The following ALCAM variants were observed in gnomAD, a reference collection of about 807,000 sequenced individuals.
ALCAM encodes activated leukocyte cell adhesion molecule.
In ALCAM, 30 loss-of-function variants were observed where a neutral mutation model predicts 70.9. That is an observed-to-expected ratio of 0.42 (90% CI 0.32 to 0.57). ALCAM has a LOEUF of 0.57. Among genes scored for constraint, ALCAM ranks in the 20% least tolerant of loss-of-function variants. The probability of loss-of-function intolerance (pLI) is 0.11; values close to 1 mark genes in which losing one functional copy is unlikely to be tolerated. For synonymous variants in ALCAM, 249 were observed against 242.5 expected, an observed-to-expected ratio of 1.03 and a Z score of -0.25; for missense variants, 591 against 695.1, an observed-to-expected ratio of 0.85 and a Z score of 1.68.
chr3:105,477,283 G>T (rs1187224771), intron 1 of ALCAM, among the ~76,000 whole-genome samples: 1 of 151,840 alleles, frequency 6.6e-6, no homozygotes, highest in East Asian at 1.9e-4. Context: ...AGCTCATTTG[G>T]TATTAATTCC....
chr3:105,572,259 T>C (rs1204643498), intron 15 of ALCAM, among the ~76,000 whole-genome samples: 1 of 149,486 alleles, frequency 6.7e-6, no homozygotes, highest in Non-Finnish European at 1.5e-5. Flanking sequence ...ACAGGCCCCA[T>C]TGTGTGGTGG....
intron 14 of ALCAM, among the ~76,000 whole-genome samples, chr3:105,562,668 G>C (rs1940650822): frequency 6.6e-6 from 1 of 151,884 alleles, no homozygotes; most frequent in Admixed American, 6.6e-5. Context: ...TCAATAAAAG[G>C]GCCCCATCCT....
At position 105,367,201 on chromosome 3, in the gene ALCAM, G is replaced by C. The variant is rs562762257; in HGVS notation, c.-208G>C. 1.0e-4 allele frequency: 57 copies of C among 572,428 alleles called. No homozygotes were observed. The highest frequency in any genetic ancestry group is 9.5e-4 in the African/African-American group (50 of 52,864). The allele number at this position is 572,428 out of a possible 1,614,324, so 35.5% of individuals were successfully genotyped here. ...CCGTGGGCTGGTGTTGACCGGGAGG[G>C]AGGAGGAGTTGGGGGCATTGCGTGG... On this transcript the variant is annotated 5_prime_UTR_variant, in exon 1 of 16. Transcript: ENST00000306107.
At chr3:105,554,184 A>C (rs1940470395) in intron 14 of ALCAM, among the ~76,000 whole-genome samples, 1 of 151,900 alleles carries the variant, frequency 6.6e-6, no homozygotes, top group African/African-American at 2.4e-5. Context: ...TGCAGGCAGG[A>C]AGCTGGAGAC....
chr3:105,566,965 T>C (rs1940756599), intron 14 of ALCAM, among the ~76,000 whole-genome samples: 1 of 152,160 alleles, frequency 6.6e-6, no homozygotes, highest in Non-Finnish European at 1.5e-5. Flanking sequence ...TTTTCTACTT[T>C]CTTTTCATTT....
intron 1 of ALCAM, among the ~76,000 whole-genome samples, chr3:105,370,260 G>C (rs181424030): frequency 2.6e-5 from 4 of 152,228 alleles, no homozygotes; most frequent in African/African-American, 9.6e-5. Flanking sequence ...TATTGAAATT[G>C]ATTAATTTAA....
chr3:105,435,822 G>T (rs865959700), intron 1 of ALCAM, among the ~76,000 whole-genome samples: 1 of 151,688 alleles, frequency 6.6e-6, no homozygotes, highest in Non-Finnish European at 1.5e-5. Context: ...ACGGAGTCTC[G>T]CTCTGTCGCC....
intron 1 of ALCAM, among the ~76,000 whole-genome samples, chr3:105,499,928 C>T (rs1938872442): frequency 6.6e-6 from 1 of 152,158 alleles, no homozygotes; most frequent in Non-Finnish European, 1.5e-5. Flanking sequence ...TTAGAATTGC[C>T]GTACCCTTAA....
chr3:105,411,947 T>TA (rs762307650), intron 1 of ALCAM, among the ~76,000 whole-genome samples: 2 of 151,966 alleles, frequency 1.3e-5, no homozygotes, highest in African/African-American at 2.4e-5. Flanking sequence ...TAATCACATA[T>TA]AAAAAATTTA....
rs369482251 is a variant in ALCAM at position 105,501,147 on chromosome 3, T to C, written c.74-18920T>C. On this transcript the variant is annotated intron_variant, in intron 1 of 15. Transcript: ENST00000306107. ...AAATGGGCGAGTGCTTCGAAGGCTC[T>C]GAGGTGCTGCACAAATGCGGGCTGT... is the stretch of plus-strand genomic sequence containing the variant. Among the ~76,000 whole-genome samples, 60 of 152,324 alleles carry C rather than the reference T, an allele frequency of 3.9e-4. No homozygotes were observed. The East Asian group carries it at 0.011, about 29-fold the overall frequency.
At chr3:105,476,405 A>T (rs1326927115) in intron 1 of ALCAM, among the ~76,000 whole-genome samples, 2 of 152,048 alleles carry the variant, frequency 1.3e-5, no homozygotes, top group Non-Finnish European at 2.9e-5. Context: ...CTCATGTCCA[A>T]ACCTAAATTT....
At chr3:105,495,477 G>A (rs1320384132) in intron 1 of ALCAM, among the ~76,000 whole-genome samples, 1 of 151,906 alleles carries the variant, frequency 6.6e-6, no homozygotes, top group African/African-American at 2.4e-5. Context: ...GATGGGTATA[G>A]ACAGAAAGAG....
chr3:105,409,581 A>G (rs1936335851), intron 1 of ALCAM, among the ~76,000 whole-genome samples: 1 of 152,078 alleles, frequency 6.6e-6, no homozygotes, highest in South Asian at 2.1e-4. Context: ...GGCAAGGGAT[A>G]AAGGATGACA....
At chr3:105,430,028 C>T (rs929833142) in intron 1 of ALCAM, among the ~76,000 whole-genome samples, 1 of 151,862 alleles carries the variant, frequency 6.6e-6, no homozygotes, top group African/African-American at 2.4e-5. Flanking sequence ...TAAATCTATG[C>T]AGTAGAGCAA....
chr3:105,547,143 A>C lies in ALCAM; in HGVS notation c.1105-6A>C, dbSNP rs1940269232. 1.3e-6 allele frequency: 2 copies of C among 1,543,164 alleles called. No homozygotes were observed. The highest frequency in any genetic ancestry group is 1.7e-6 in the Non-Finnish European group (2 of 1,147,848). ...ACATGAGGTAATTTACTTTTTATTT[A>C]ATCAGGATAACATCAGGCTTCGATC... On this transcript the variant is annotated splice_region_variant and splice_polypyrimidine_tract_variant and intron_variant, in intron 9 of 15. Coordinates refer to ENST00000306107, the MANE Select transcript of ALCAM (RefSeq NM_001627.4).
At chr3:105,521,747 A>T (rs888602710) in intron 2 of ALCAM, among the ~76,000 whole-genome samples, 4 of 152,174 alleles carry the variant, frequency 2.6e-5, no homozygotes, top group Admixed American at 2.0e-4. Context: ...CGTGTCTGTG[A>T]TGCTGCAGAA....
At chr3:105,375,479 G>A (rs1297167169) in intron 1 of ALCAM, among the ~76,000 whole-genome samples, 1 of 152,124 alleles carries the variant, frequency 6.6e-6, no homozygotes, top group Non-Finnish European at 1.5e-5. Context: ...TTCATGTCAG[G>A]TATAAGAAAG....
At chr3:105,574,210 G>C (rs1940916230) in intron 15 of ALCAM, among the ~76,000 whole-genome samples, 1 of 151,898 alleles carries the variant, frequency 6.6e-6, no homozygotes, top group African/African-American at 2.4e-5. Flanking sequence ...AACCTAAAGA[G>C]AAATGCAATG....
intron 15 of ALCAM, among the ~76,000 whole-genome samples, chr3:105,573,443 ACG>A (rs1398551927): frequency 6.6e-6 from 1 of 152,240 alleles, no homozygotes; most frequent in Non-Finnish European, 1.5e-5. Flanking sequence ...AAACTTGTGC[ACG>A]TGTGTATACA....
Sources: allele counts gnomAD v4.1 joint callset (sites outside exome capture counted in the v4.1 genomes callset), GRCh38; gene constraint gnomAD v4.1.1; transcripts MANE v1.5; gene names NCBI Gene and HGNC (gene_info 2026-07-23, HGNC 2026-07-21).